MEGF11: variants seen among roughly 807,000 people sequenced by gnomAD.
MEGF11 encodes multiple EGF like domains 11.
A neutral mutation model predicts 146.6 loss-of-function variants in MEGF11; 126 were observed. That is an observed-to-expected ratio of 0.86 (90% CI 0.74 to 1.00). The LOEUF (loss-of-function observed/expected upper bound fraction) is 1.00, where lower values mean the gene tolerates loss of function less well. Ranked by LOEUF, MEGF11 falls within the 50% of genes least tolerant of loss-of-function variation. The pLI is 0.00. For synonymous variants in MEGF11, 532 were observed against 583.4 expected (o/e 0.91, Z 1.27); for missense variants, 1,509 against 1,521.2 (o/e 0.99, Z 0.13).
intron 5 of MEGF11, among the ~76,000 whole-genome samples, chr15:65,985,953 A>ATTTTT (rs60520972): frequency 1.0e-4 from 14 of 140,324 alleles, no homozygotes; most frequent in Admixed American, 7.9e-4. Flanking sequence ...TTGTGTCTGC[A>ATTTTT]TTTTTTTTTT....
intron 1 of MEGF11, among the ~76,000 whole-genome samples, chr15:66,234,681 G>C (rs1460596441): frequency 6.6e-6 from 1 of 152,196 alleles, no homozygotes; most frequent in Non-Finnish European, 1.5e-5. Flanking sequence ...ACAATGGAGG[G>C]AAGATTCTGG....
At chr15:66,029,156 G>GT (rs1170288762) in intron 5 of MEGF11, among the ~76,000 whole-genome samples, 4,598 of 146,196 alleles carry the variant, frequency 0.031, 229 homozygotes, top group African/African-American at 0.11. Flanking sequence ...GAATTGCCTT[G>GT]TTTTTTTTTT....
chr15:66,000,420 T>C (rs1237189450), intron 5 of MEGF11, among the ~76,000 whole-genome samples: 1 of 152,166 alleles, frequency 6.6e-6, no homozygotes, highest in Admixed American at 6.5e-5. Context: ...TAGTGCCAGT[T>C]ACTTGGGAGG....
intron 10 of MEGF11, among the ~76,000 whole-genome samples, chr15:65,951,815 A>G (rs553243215): frequency 6.6e-6 from 1 of 152,318 alleles, no homozygotes; most frequent in Admixed American, 6.5e-5. Flanking sequence ...CCTGGGCAAC[A>G]TAGTGAGACT....
intron 5 of MEGF11, among the ~76,000 whole-genome samples, chr15:66,020,074 C>T (rs1307672352): frequency 6.6e-6 from 1 of 152,248 alleles, no homozygotes; most frequent in Non-Finnish European, 1.5e-5. Flanking sequence ...CCCTCCCCAG[C>T]TCGGGTCCTG....
At chr15:66,103,913 T>C (rs1235324550) in intron 4 of MEGF11, among the ~76,000 whole-genome samples, 1 of 152,182 alleles carries the variant, frequency 6.6e-6, no homozygotes, top group African/African-American at 2.4e-5. Context: ...TCCTGGTGGA[T>C]TTCACAGCCG....
intron 1 of MEGF11, among the ~76,000 whole-genome samples, chr15:66,202,456 T>C (rs2091187829): frequency 6.6e-6 from 1 of 152,034 alleles, no homozygotes; most frequent in Non-Finnish European, 1.5e-5. Context: ...GAATGAGGAG[T>C]GGGCAGCACT....
Position 66,131,870 on chromosome 15 carries a change from C to T in MEGF11, c.-8-3459G>A, listed in dbSNP as rs530749641. Among the ~76,000 whole-genome samples, 8 of 152,266 alleles carry T rather than the reference C, an allele frequency of 5.3e-5. No individual in the cohort carries two copies. The South Asian group carries it at 1.7e-3, about 32-fold the overall frequency. On this transcript the variant is annotated intron_variant, in intron 1 of 25. Transcript: ENST00000395614. ...CTTCCCAGTGACACAGCTCTAAGAGCGGTGTTCCTGATGATAGCGGCTTAG... is the reference window on the plus strand; with the variant it reads ...CTTCCCAGTGACACAGCTCTAAGAGTGGTGTTCCTGATGATAGCGGCTTAG...
chr15:66,115,781 G>A lies in MEGF11; in HGVS notation c.301+3305C>T, dbSNP rs138893795. 4.9e-3 allele frequency among the ~76,000 whole-genome samples: 743 copies of A among 152,324 alleles called. 1 individual carries two copies. Among genetic ancestry groups the A allele is most frequent in the Middle Eastern group, 0.024 (7 of 294 alleles). On this transcript the variant is annotated intron_variant, in intron 4 of 25. Coordinates refer to ENST00000395614, the MANE Select transcript of MEGF11 (RefSeq NM_001385028.1). ...ACGTGTGTGCTCATAACAAGGAAAT[G>A]TGAAGCCACGGGAAGAACACCATGT...
chr15:65,962,345 C>T (rs947587370), intron 9 of MEGF11, among the ~76,000 whole-genome samples: 1 of 152,162 alleles, frequency 6.6e-6, no homozygotes, highest in African/African-American at 2.4e-5. Flanking sequence ...CCCACCCCAC[C>T]CTGGGACATC....
At chr15:66,194,706 T>C (rs190543869) in intron 1 of MEGF11, among the ~76,000 whole-genome samples, 45 of 151,806 alleles carry the variant, frequency 3.0e-4, no homozygotes, top group African/African-American at 1.1e-3. Flanking sequence ...AGACAACATA[T>C]TGGGTACAGT....
chr15:66,146,116 C>A (rs1337381032), intron 1 of MEGF11, among the ~76,000 whole-genome samples: 1 of 152,188 alleles, frequency 6.6e-6, no homozygotes, highest in Non-Finnish European at 1.5e-5. Flanking sequence ...GACTTAACTT[C>A]TCTGATCCTT....
intron 5 of MEGF11, among the ~76,000 whole-genome samples, chr15:65,985,737 A>C (rs2081832674): frequency 6.6e-6 from 1 of 151,964 alleles, no homozygotes; most frequent in Non-Finnish European, 1.5e-5. Flanking sequence ...TACTGCCAGA[A>C]AGCACCCTGC....
At chr15:66,247,007 T>G (rs1597174705) in intron 1 of MEGF11, among the ~76,000 whole-genome samples, 1 of 152,106 alleles carries the variant, frequency 6.6e-6, no homozygotes, top group South Asian at 2.1e-4. Flanking sequence ...ATTGTAGAGA[T>G]AAGATTTTTA....
At position 65,922,325 on chromosome 15, in the gene MEGF11, C is replaced by G; in HGVS notation, c.1957+13G>C. On this transcript the variant is annotated intron_variant, in intron 15 of 25. Transcript: ENST00000395614. ...CACCTCCCCACCCAGTACCTTCCCA[C>G]TGGAGACAGTACCTTGGTTGCAGAG... 1 of 1,606,420 alleles carries G rather than the reference C, an allele frequency of 6.2e-7. No homozygotes were observed.
chr15:66,143,971 C>G (rs999599082), intron 1 of MEGF11, among the ~76,000 whole-genome samples: 3 of 152,122 alleles, frequency 2.0e-5, no homozygotes, highest in African/African-American at 7.2e-5. Flanking sequence ...TCCTCCGGGT[C>G]CTCCTCTGTC....
intron 15 of MEGF11, 106 bp downstream of exon 15, chr15:65,922,232 T>A: frequency 7.2e-7 from 1 of 1,397,392 alleles, no homozygotes; most frequent in South Asian, 1.4e-5. Context: ...GGGAAGGAGC[T>A]ACCTCCATAG....
intron 1 of MEGF11, among the ~76,000 whole-genome samples, chr15:66,214,509 AG>A (rs1485730750): frequency 1.3e-5 from 2 of 152,178 alleles, no homozygotes; most frequent in African/African-American, 4.8e-5. Flanking sequence ...AGGCCTGTGC[AG>A]CAGCAGCTGG....
chr15:66,108,570 T>A (rs778948558), intron 4 of MEGF11, among the ~76,000 whole-genome samples: 9 of 152,204 alleles, frequency 5.9e-5, no homozygotes, highest in African/African-American at 9.7e-5. Flanking sequence ...GAAGCCTCTC[T>A]GAAACACAGT....
Sources: allele counts gnomAD v4.1 joint callset (sites outside exome capture counted in the v4.1 genomes callset), GRCh38; gene constraint gnomAD v4.1.1; transcripts MANE v1.5; gene names NCBI Gene and HGNC (gene_info 2026-07-23, HGNC 2026-07-21).